The following CFAP69 variants were observed in gnomAD, a reference collection of about 807,000 sequenced individuals.
CFAP69 encodes cilia- and flagella-associated protein 69.
A neutral mutation model predicts 123.0 loss-of-function variants in CFAP69; 92 were observed. The ratio of observed to expected loss-of-function variants is 0.75; its 90% CI spans 0.63 to 0.89. The LOEUF (loss-of-function observed/expected upper bound fraction) is 0.89. CFAP69 is among the 40% of genes least tolerant of loss of function. CFAP69 has a pLI of 0.00. For synonymous variants in CFAP69, 380 were observed against 364.3 expected (o/e 1.04, Z -0.49); for missense variants, 1,067 against 1,096.9 (o/e 0.97, Z 0.39).
intron 11 of CFAP69, among the ~76,000 whole-genome samples, chr7:90,278,594 AT>A (rs1259910068): frequency 1.3e-5 from 2 of 152,160 alleles, no homozygotes; most frequent in Non-Finnish European, 2.9e-5. Flanking sequence ...ACTACAGTTT[AT>A]AAGTCAATTC....
At chr7:90,270,597 AC>A (rs1213344112) in intron 6 of CFAP69, among the ~76,000 whole-genome samples, 2 of 152,150 alleles carry the variant, frequency 1.3e-5, no homozygotes, top group African/African-American at 4.8e-5. Flanking sequence ...ACAGCATTGG[AC>A]AGGGCCTTGT....
chr7:90,264,500 C>T (rs1359988290), intron 4 of CFAP69, among the ~76,000 whole-genome samples: 1 of 151,892 alleles, frequency 6.6e-6, no homozygotes, highest in African/African-American at 2.4e-5. Context: ...AATAAACTAT[C>T]GATTTTGCCT....
intron 1 of CFAP69, among the ~76,000 whole-genome samples, chr7:90,249,108 C>T (rs1420144306): frequency 2.0e-5 from 3 of 152,098 alleles, no homozygotes; most frequent in Admixed American, 1.3e-4. Context: ...AATCTCATCT[C>T]GAATTGTAAT....
intron 17 of CFAP69, chr7:90,300,698 T>A: frequency 4.8e-6 from 1 of 210,418 alleles, no homozygotes; most frequent in South Asian, 1.7e-4. Flanking sequence ...TCACCCAGAC[T>A]GGGGTGTGAT....
intron 1 of CFAP69, among the ~76,000 whole-genome samples, chr7:90,250,860 C>A (rs1433342900): frequency 6.6e-6 from 1 of 152,122 alleles, no homozygotes; most frequent in Non-Finnish European, 1.5e-5. Flanking sequence ...ATGGTGAAAT[C>A]ATTTATGTAA....
intron 1 of CFAP69, among the ~76,000 whole-genome samples, chr7:90,250,577 C>T (rs916721610): frequency 6.6e-6 from 1 of 152,274 alleles, no homozygotes; most frequent in African/African-American, 2.4e-5. Flanking sequence ...TGAAGTAAGT[C>T]TGATTGTCTT....
intron 7 of CFAP69, 39 bp downstream of exon 7, chr7:90,271,714 T>C: frequency 6.3e-7 from 1 of 1,593,816 alleles, no homozygotes; most frequent in Non-Finnish European, 8.5e-7. Flanking sequence ...CATTGTCAAC[T>C]ACTTTTGTTT....
chr7:90,275,013 A>G lies in CFAP69; in HGVS notation c.984+903A>G, dbSNP rs1788375879. Among the ~76,000 whole-genome samples, 2 of 152,048 alleles carry G rather than the reference A, an allele frequency of 1.3e-5. 1 individual carries two copies. Among genetic ancestry groups the G allele is most frequent in the South Asian group, 4.2e-4 (2 of 4,804 alleles). ...TGTGAGGCTCTGCTCACTTTTTTCA[A>G]TCATTTTTCTCTCTATTCTTCAGGT... On this transcript the variant is annotated intron_variant, in intron 9 of 22. Coordinates refer to ENST00000389297, the MANE Select transcript of CFAP69 (RefSeq NM_001039706.3).
At chr7:90,322,675 C>A in the CFAP69 span, 1 of 152,004 alleles carries the variant, frequency 6.6e-6, no homozygotes, top group Non-Finnish European at 1.5e-5. Context: ...GTATTCAAAA[C>A]CTATTGAAAA....
chr7:90,273,982 T>C lies in CFAP69; in HGVS notation c.861-5T>C. 1.3e-6 allele frequency: 2 copies of C among 1,581,336 alleles called. No homozygotes were observed. The highest frequency in any genetic ancestry group is 1.7e-6 in the Non-Finnish European group (2 of 1,165,400). The stretch of plus-strand genomic sequence containing the variant: ...TAGTTTTTAAAATATGATTTTACTT[T>C]CTAGGGCTTTGAAGGAAGTATTTAA... On this transcript the variant is annotated splice_region_variant and splice_polypyrimidine_tract_variant and intron_variant, in intron 8 of 22. Coordinates refer to ENST00000389297, the MANE Select transcript of CFAP69 (RefSeq NM_001039706.3).
chr7:90,249,490 T>C (rs1421695839), intron 1 of CFAP69, among the ~76,000 whole-genome samples: 1 of 152,222 alleles, frequency 6.6e-6, no homozygotes, highest in Non-Finnish European at 1.5e-5. Flanking sequence ...TTTCTAGTAT[T>C]AATCCCAGTG....
At chr7:90,255,603 A>C in intron 2 of CFAP69, 121 bp downstream of exon 2, 1 of 738,280 alleles carries the variant, frequency 1.4e-6, no homozygotes, top group Non-Finnish European at 2.3e-6. Context: ...AAACATTTTA[A>C]ATAGTACATA....
Position 90,265,327 on chromosome 7 carries a change from C to A in CFAP69, c.383C>A (p.Ser128Ter). 6.2e-7 allele frequency: 1 copy of A among 1,610,686 alleles called. No individual in the cohort carries two copies. The highest frequency in any genetic ancestry group is 1.1e-5 in the South Asian group (1 of 90,646). Residue 128 changes from serine (S) to a stop codon, truncating the protein, a stop_gained, in exon 5 of 23, where the codon TCG becomes TAG. Transcript: ENST00000389297. LOFTEE classifies it high-confidence loss of function. The stretch of plus-strand genomic sequence containing the variant: ...TTGCCATTTTTGAAAAAGAAAGTGT[C>A]GGATGAAATAACTTATGCTGAAGAT... ...CGLPFLKKKVSDEITYAEDTA... is the reference protein window; with the variant it reads ...CGLPFLKKKV
intron 9 of CFAP69, among the ~76,000 whole-genome samples, chr7:90,274,890 A>G (rs576455480): frequency 1.3e-5 from 2 of 152,198 alleles, no homozygotes; most frequent in African/African-American, 2.4e-5. Context: ...CTTGGCCATT[A>G]TTTCTTCAAA....
At chr7:90,257,917 G>T (rs182313871) in intron 2 of CFAP69, among the ~76,000 whole-genome samples, 181 bp from the exon 3 acceptor site, 1 of 152,090 alleles carries the variant, frequency 6.6e-6, no homozygotes, top group Non-Finnish European at 1.5e-5. Flanking sequence ...TCATACAGTC[G>T]TTCTGATAGT....
chr7:90,290,662 C>T (rs1790992494), intron 15 of CFAP69, among the ~76,000 whole-genome samples: 1 of 152,176 alleles, frequency 6.6e-6, no homozygotes, highest in Non-Finnish European at 1.5e-5. Context: ...ATACCAGCCT[C>T]TACCCTACTC....
downstream of CFAP69, among the ~76,000 whole-genome samples, chr7:90,311,943 G>A (rs569227638): frequency 1.3e-5 from 2 of 152,198 alleles, no homozygotes; most frequent in East Asian, 3.9e-4. Flanking sequence ...GCATGGGTAG[G>A]AGCATACAAC....
chr7:90,258,027 T>C, intron 2 of CFAP69, 71 bp from the exon 3 acceptor site: 1 of 1,006,378 alleles, frequency 9.9e-7, no homozygotes, highest in Non-Finnish European at 1.5e-6. Flanking sequence ...TCTACTTTTA[T>C]GTTGAAGAAT....
rs1018617893 is a variant in CFAP69 at position 90,310,403 on chromosome 7, A to C, written c.*165A>C. 1.4e-5 allele frequency: 5 copies of C among 367,834 alleles called. No individual in the cohort carries two copies. The highest frequency in any genetic ancestry group is 1.1e-4 in the African/African-American group (5 of 47,382). The allele number at this position is 367,834 out of a possible 1,614,324, so 22.8% of individuals were successfully genotyped here. ...CATATAATTTATTTTTATGGAAAAC[A>C]TCAACATGTAATATCAGAAGAGTTG... On this transcript the variant is annotated 3_prime_UTR_variant, in exon 23 of 23. Coordinates refer to ENST00000389297, the MANE Select transcript of CFAP69 (RefSeq NM_001039706.3).
Sources: allele counts gnomAD v4.1 joint callset (sites outside exome capture counted in the v4.1 genomes callset), GRCh38; gene constraint gnomAD v4.1.1; transcripts MANE v1.5; gene names NCBI Gene and HGNC (gene_info 2026-07-23, HGNC 2026-07-21).